UBE2Z: variants seen among roughly 807,000 people sequenced by gnomAD.
The protein encoded by UBE2Z is ubiquitin-conjugating enzyme E2 Z.
Under a neutral mutation model 32.6 loss-of-function variants are expected in UBE2Z, and 10 were observed. That is an observed-to-expected ratio of 0.31 (90% CI 0.19 to 0.52). UBE2Z has a LOEUF of 0.52. UBE2Z is among the 20% of genes least tolerant of loss of function. The pLI is 0.97. For synonymous variants in UBE2Z, 183 were observed against 190.8 expected, an observed-to-expected ratio of 0.96 and a Z score of 0.34; for missense variants, 343 against 480.9, an observed-to-expected ratio of 0.71 and a Z score of 2.68.
rs114368909 is a variant in UBE2Z at position 48,919,352 on chromosome 17, A to G, written c.691-1808A>G. Among the ~76,000 whole-genome samples the G allele has an allele frequency of 5.9e-3, 899 of 152,316 alleles. 8 individuals are homozygous for G. Among genetic ancestry groups the G allele is most frequent in the African/African-American group, 0.021 (862 of 41,572 alleles). ...GTTGGTGGTAAGAGGAGAAGAGCAC[A>G]GGAAAAATTAAAGGAGTAGAGGCCA... On this transcript the variant is annotated intron_variant, in intron 4 of 6. Coordinates refer to ENST00000360943, the MANE Select transcript of UBE2Z (RefSeq NM_023079.5).
intron 4 of UBE2Z, among the ~76,000 whole-genome samples, chr17:48,920,213 A>G (rs1248548894): frequency 1.3e-5 from 2 of 152,056 alleles, no homozygotes; most frequent in African/African-American, 4.8e-5. Context: ...ATAAAAGACA[A>G]GCCGGGTGCG....
At position 48,927,436 on chromosome 17, in the gene UBE2Z, C is replaced by T; in HGVS notation, c.*302C>T. On this transcript the variant is annotated 3_prime_UTR_variant, in exon 7 of 7. Coordinates refer to ENST00000360943, the MANE Select transcript of UBE2Z (RefSeq NM_023079.5). ...GGCAAAAACAAAACAACCAACACACCTCTCCACAGGGCCAGCTCCTTAGGG... is the reference window on the plus strand; with the variant it reads ...GGCAAAAACAAAACAACCAACACACTTCTCCACAGGGCCAGCTCCTTAGGG... 3.1e-6 allele frequency: 1 copy of T among 319,414 alleles called. No homozygotes were observed. Among genetic ancestry groups the T allele is most frequent in the Non-Finnish European group, 6.0e-6 (1 of 165,568 alleles). 19.8% of individuals were successfully genotyped at this position (319,414 alleles called of 1,614,324 possible). A position where few individuals can be genotyped will look rare whatever the true frequency, so the allele number is the denominator to read the frequency against.
chr17:48,924,845 CAAAAAAAAAAA>C lies in UBE2Z; in HGVS notation c.894+1918_894+1928del, dbSNP rs5820735. On this transcript the variant is annotated intron_variant, in intron 6 of 6. Transcript: ENST00000360943. ...TGGGCAACAGAACAAGATTCTGTCT[CAAAAAAAAAAA>C]AAAAAAAAAGACAAAAATTATAGAT... 5.5e-4 allele frequency among the ~76,000 whole-genome samples: 47 copies of C among 85,750 alleles called. 1 individual carries two copies. Among genetic ancestry groups the C allele is most frequent in the African/African-American group, 1.9e-3 (41 of 21,834 alleles). 56.3% of individuals were successfully genotyped at this position (85,750 alleles called of 152,430 possible). A position where few individuals can be genotyped will look rare whatever the true frequency, so the allele number is the denominator to read the frequency against.
At chr17:48,925,313 T>C (rs1324037740) in intron 6 of UBE2Z, among the ~76,000 whole-genome samples, 1 of 147,410 alleles carries the variant, frequency 6.8e-6, no homozygotes, top group Non-Finnish European at 1.5e-5. Context: ...GAAAAAGAAA[T>C]GGGAGACTTG....
At chr17:48,925,074 G>A (rs144591678) in intron 6 of UBE2Z, among the ~76,000 whole-genome samples, 35 of 151,882 alleles carry the variant, frequency 2.3e-4, no homozygotes, top group African/African-American at 8.2e-4. Context: ...CTTGAGATCA[G>A]GAGTTTGAGA....
chr17:48,915,060 G>GA (rs1249841712), intron 3 of UBE2Z, among the ~76,000 whole-genome samples: 1 of 152,016 alleles, frequency 6.6e-6, no homozygotes, highest in Non-Finnish European at 1.5e-5. Flanking sequence ...GTTCCTAGTT[G>GA]ACTGTATTAG....
rs1318766646 is a variant in UBE2Z, at chr17:48,908,730, G to A, written c.227G>A (p.Gly76Glu). 1 of 1,464,032 alleles carries A rather than the reference G, an allele frequency of 6.8e-7. No individual in the cohort carries two copies. The highest frequency in any genetic ancestry group is 1.3e-5 in the South Asian group (1 of 78,522). The allele number at this position is 1,464,032 out of a possible 1,614,324, so 90.7% of individuals were successfully genotyped here. The change falls in exon 1 of 7, where the codon GGG becomes GAG. Residue 76 changes from glycine (G) to glutamate (E), a missense_variant. Transcript: ENST00000360943. ...PGLPPSAAAH[G>E]AALLSHWDPT... ...CTCCCGCCCTCAGCCGCTGCCCACG[G>A]GGCCGCGCTGCTTAGCCACTGGGAC...
intron 6 of UBE2Z, among the ~76,000 whole-genome samples, chr17:48,926,474 CTT>C (rs35895407): frequency 4.0e-4 from 55 of 137,160 alleles, no homozygotes; most frequent in African/African-American, 1.2e-3. Context: ...GTAAGAGTGT[CTT>C]TTTTTTTTTT....
Position 48,908,521 on chromosome 17 carries a change from T to C in UBE2Z, c.18T>C (p.Thr6=). The change falls in exon 1 of 7, where the codon ACT becomes ACC. Residue 6 remains threonine (T), a synonymous_variant. Transcript: ENST00000360943. ...AAGCAGCGATGGCGGAGAGTCCGAC[T>C]GAGGAGGCGGCAACGGCGGGCGCCG... MAESP[T]EEAATAGAGA... is the part of the protein sequence containing the mutation. 1 of 1,236,104 alleles carries C rather than the reference T, an allele frequency of 8.1e-7. No homozygotes were observed. 76.6% of individuals were successfully genotyped at this position (1,236,104 alleles called of 1,614,324 possible). A position where few individuals can be genotyped will look rare whatever the true frequency, so the allele number is the denominator to read the frequency against.
chr17:48,916,462 A>G (rs935334042), intron 4 of UBE2Z, among the ~76,000 whole-genome samples: 7 of 151,418 alleles, frequency 4.6e-5, no homozygotes, highest in African/African-American at 1.7e-4. Flanking sequence ...CATATTGGCC[A>G]GGCTGGTCTC....
intron 3 of UBE2Z, chr17:48,915,767 A>AT: frequency 3.5e-6 from 1 of 282,364 alleles, no homozygotes; most frequent in South Asian, 4.6e-5. Context: ...TTTGGAGCTA[A>AT]TTGCTTACCT....
chr17:48,913,066 A>G (rs1397908757), intron 3 of UBE2Z, 45 bp downstream of exon 3: 1 of 1,589,750 alleles, frequency 6.3e-7, no homozygotes, highest in South Asian at 1.1e-5. Context: ...TTAGCAGATA[A>G]TTACTCTAGG....
intron 4 of UBE2Z, among the ~76,000 whole-genome samples, chr17:48,917,283 C>T (rs546777831): frequency 3.9e-5 from 6 of 151,996 alleles, no homozygotes; most frequent in African/African-American, 7.2e-5. Flanking sequence ...CCAGCCTGAG[C>T]GACAGAGCGA....
intron 1 of UBE2Z, 113 bp from the exon 2 acceptor site, chr17:48,910,695 C>T (rs1598070810): frequency 1.2e-6 from 1 of 815,466 alleles, no homozygotes; most frequent in East Asian, 2.4e-5. Context: ...GTACCAAGCA[C>T]CACTTTCTCA....
At chr17:48,923,320 CAAAAAAAAAAAA>C (rs56100763) in intron 6 of UBE2Z, among the ~76,000 whole-genome samples, 18 of 102,050 alleles carry the variant, frequency 1.8e-4, no homozygotes, top group African/African-American at 1.0e-3. Flanking sequence ...GACTCTGTCT[CAAAAAAAAAAAA>C]AAAAAAAAAA....
At chr17:48,911,053 T>A (rs1199429747) in intron 2 of UBE2Z, 173 bp downstream of exon 2, 16 of 621,758 alleles carry the variant, frequency 2.6e-5, no homozygotes, top group Non-Finnish European at 2.6e-5. Context: ...AGCAGCACTT[T>A]GAAGAGGTGT....
Position 48,910,475 on chromosome 17 carries a change from A to T in UBE2Z, c.318-333A>T, listed in dbSNP as rs1490651476. Reference sequence around the variant, plus strand: ...CTGGGAATCATGGAGGTGGGGAGTGAATGAATTGCCATGTGGGAGGAAGTG... The same window carrying T: ...CTGGGAATCATGGAGGTGGGGAGTGTATGAATTGCCATGTGGGAGGAAGTG... On this transcript the variant is annotated intron_variant, in intron 1 of 6. Transcript: ENST00000360943. 3.3e-5 allele frequency: 9 copies of T among 274,512 alleles called. No homozygotes were observed. The East Asian group carries it at 6.4e-4, about 20-fold the overall frequency. The allele number at this position is 274,512 out of a possible 1,614,324, so 17.0% of individuals were successfully genotyped here.
intron 6 of UBE2Z, 164 bp downstream of exon 6, chr17:48,923,101 C>T: frequency 1.9e-6 from 1 of 532,014 alleles, no homozygotes; most frequent in Non-Finnish European, 3.2e-6. Context: ...GCGGGCGGAT[C>T]ACGAGGTCGG....
chr17:48,911,335 T>C (rs1384126517), intron 2 of UBE2Z: 1 of 166,728 alleles, frequency 6.0e-6, no homozygotes. Flanking sequence ...GTTAAAGGAC[T>C]TTGCTCAGGA....
Sources: allele counts gnomAD v4.1 joint callset (sites outside exome capture counted in the v4.1 genomes callset), GRCh38; gene constraint gnomAD v4.1.1; transcripts MANE v1.5; gene names NCBI Gene and HGNC (gene_info 2026-07-23, HGNC 2026-07-21).